Variants in SNAPC3 observed in about 807,000 individuals in gnomAD.
The protein encoded by SNAPC3 is snRNA-activating protein complex subunit 3.
SNAPC3 carries 56 observed loss-of-function variants against 47.7 expected under a neutral mutation model. That is an observed-to-expected ratio of 1.18 (90% CI 0.95 to 1.47). The LOEUF (loss-of-function observed/expected upper bound fraction) is 1.47, where lower values mean the gene tolerates loss of function less well. Ranked by LOEUF, SNAPC3 falls within the 40% of genes most tolerant of loss-of-function variation. The probability of loss-of-function intolerance (pLI) is 0.00; values close to 1 mark genes in which losing one functional copy is unlikely to be tolerated. For synonymous variants in SNAPC3, 235 were observed against 189.9 expected (o/e 1.24, Z -1.95); for missense variants, 665 against 511.3 (o/e 1.30, Z -2.90).
intron 3 of SNAPC3, among the ~76,000 whole-genome samples, chr9:15,438,853 G>A (rs1041383458): frequency 1.7e-4 from 26 of 151,784 alleles, no homozygotes; most frequent in African/African-American, 6.3e-4. Flanking sequence ...TATATCTGTT[G>A]GGTCTAATTG....
chr9:15,458,949 T>C (rs912524132), intron 8 of SNAPC3, among the ~76,000 whole-genome samples: 3 of 152,172 alleles, frequency 2.0e-5, no homozygotes, highest in African/African-American at 7.2e-5. Context: ...ATGCATAATA[T>C]ATTTAAAAAT....
downstream of SNAPC3, chr9:15,465,524 TTATC>T: frequency 1.3e-6 from 2 of 1,559,142 alleles, no homozygotes; most frequent in Non-Finnish European, 1.8e-6. Context: ...GTCAACCTAG[TTATC>T]TAGTGTAGAA....
rs1345798706 is a variant in SNAPC3, at chr9:15,422,904, C to T, written c.25C>T (p.Pro9Ser). MAEGSRGG[P>S]TCSGVGGRQD... ...CATGGCTGAAGGAAGCCGAGGTGGC[C>T]CTACGTGTAGCGGGGTGGGTGGCAG... The change falls in exon 1 of 9, where the codon CCT (proline) becomes TCT (serine). Residue 9 changes from proline to serine, a missense_variant. Coordinates refer to ENST00000380821, the MANE Select transcript of SNAPC3 (RefSeq NM_001039697.2). The T allele has an allele frequency of 1.1e-5, 17 of 1,534,704 alleles. 1 individual carries two copies. The Middle Eastern group carries it at 8.4e-4, about 76-fold the overall frequency.
intron 6 of SNAPC3, among the ~76,000 whole-genome samples, chr9:15,451,911 T>A (rs114496197): frequency 6.6e-6 from 1 of 152,092 alleles, no homozygotes; most frequent in Non-Finnish European, 1.5e-5. Flanking sequence ...GACCATACTT[T>A]CATTATCAAT....
chr9:15,437,420 A>G (rs1046875966), intron 3 of SNAPC3, among the ~76,000 whole-genome samples: 1 of 152,020 alleles, frequency 6.6e-6, no homozygotes, highest in Admixed American at 6.6e-5. Context: ...TTTAGTAGAC[A>G]CAGAGTTTCA....
intron 2 of SNAPC3, among the ~76,000 whole-genome samples, chr9:15,432,837 TC>T (rs2032334896): frequency 1.3e-5 from 2 of 152,312 alleles, no homozygotes; most frequent in African/African-American, 4.8e-5. Flanking sequence ...GCAGACATAA[TC>T]TATCAGTGAA....
At chr9:15,436,846 G>A (rs1483417391) in intron 3 of SNAPC3, among the ~76,000 whole-genome samples, 3 of 117,914 alleles carry the variant, frequency 2.5e-5, no homozygotes, top group South Asian at 5.4e-4. Flanking sequence ...TTTTTGAGAC[G>A]AAGTTTTGCT....
At chr9:15,435,478 C>G (rs1187945270) in intron 3 of SNAPC3, among the ~76,000 whole-genome samples, 1 of 151,702 alleles carries the variant, frequency 6.6e-6, no homozygotes, top group Admixed American at 6.6e-5. Context: ...GAGACTGAAA[C>G]AGGAGAATTG....
intron 7 of SNAPC3, among the ~76,000 whole-genome samples, chr9:15,453,956 C>G (rs1364801954): frequency 6.6e-6 from 1 of 152,066 alleles, no homozygotes; most frequent in Non-Finnish European, 1.5e-5. Flanking sequence ...AAACTGATGC[C>G]TGCCGGGTGC....
chr9:15,443,761 G>C (rs1022314901), intron 3 of SNAPC3, among the ~76,000 whole-genome samples: 3 of 152,178 alleles, frequency 2.0e-5, no homozygotes, highest in African/African-American at 7.2e-5. Flanking sequence ...TGCCTGCCTT[G>C]GCACCAGCCA....
At chr9:15,426,898 C>T (rs960997954) in intron 2 of SNAPC3, among the ~76,000 whole-genome samples, 17 of 152,020 alleles carry the variant, frequency 1.1e-4, no homozygotes, top group Non-Finnish European at 2.1e-4. Flanking sequence ...AATACATGAC[C>T]ATTGTTAACC....
Position 15,444,653 on chromosome 9 carries a change from G to C in SNAPC3, c.529G>C (p.Glu177Gln). ...KPENSADMIE[E>Q]GELILSVNIL... ...TGAAAATTCAGCAGACATGATTGAA[G>C]AAGGGGAGCTTATCCTATCTGTGAA... The change falls in exon 4 of 9, where the codon GAA becomes CAA. Residue 177 changes from glutamate (E) to glutamine (Q), a missense_variant. Glu to Gln is a conservative substitution (Grantham distance 29). Transcript: ENST00000380821. The C allele has an allele frequency of 6.2e-7, 1 of 1,612,984 alleles. No individual in the cohort carries two copies. The highest frequency in any genetic ancestry group is 1.3e-5 in the African/African-American group (1 of 75,030).
intron 2 of SNAPC3, among the ~76,000 whole-genome samples, chr9:15,424,894 C>T (rs1002812921): frequency 3.2e-4 from 48 of 152,276 alleles, no homozygotes; most frequent in Admixed American, 1.0e-3. Flanking sequence ...AATCTGTTCC[C>T]CTGGTCCCTA....
At chr9:15,431,385 TC>T (rs2032126291) in intron 2 of SNAPC3, among the ~76,000 whole-genome samples, 1 of 152,132 alleles carries the variant, frequency 6.6e-6, no homozygotes. Flanking sequence ...ATTCTATACT[TC>T]AGTGTTCCCT....
chr9:15,423,087 G>A lies in SNAPC3; in HGVS notation c.208G>A (p.Ala70Thr). 3 of 1,530,432 alleles carry A rather than the reference G, an allele frequency of 2.0e-6. No homozygotes were observed. The highest frequency in any genetic ancestry group is 2.4e-5 in the Admixed American group (1 of 42,050). The allele number at this position is 1,530,432 out of a possible 1,614,324, so 94.8% of individuals were successfully genotyped here. Residue 70 changes from alanine to threonine, a missense_variant, in exon 1 of 9, where the codon GCT becomes ACT. Ala to Thr is a moderately conservative substitution (Grantham distance 58, BLOSUM62 0). Coordinates refer to ENST00000380821, the MANE Select transcript of SNAPC3 (RefSeq NM_001039697.2). ...DLSLREPPAS[A>T]LPGSQAADSD... is the part of the protein sequence containing the mutation. ...GTCGCTGAGGGAGCCGCCGGCATCC[G>A]CTCTGCCTGGGAGCCAGGCAGCTGA...
Position 15,447,091 on chromosome 9 carries a change from T to A in SNAPC3, c.583-4T>A. 6.2e-7 allele frequency: 1 copy of A among 1,613,332 alleles called. No individual in the cohort carries two copies. On this transcript the variant is annotated splice_region_variant and splice_polypyrimidine_tract_variant and intron_variant, in intron 4 of 8. Coordinates refer to ENST00000380821, the MANE Select transcript of SNAPC3 (RefSeq NM_001039697.2). ...TGAACACTTATTTATTCTTTGACTT[T>A]TAGCACAAAGAACACAAACCATACC... is the stretch of plus-strand genomic sequence containing the variant.
chr9:15,448,479 C>CA (rs1282924476), intron 5 of SNAPC3, among the ~76,000 whole-genome samples: 1 of 152,164 alleles, frequency 6.6e-6, no homozygotes, highest in East Asian at 1.9e-4. Context: ...GCTCAAAACT[C>CA]ACCAATTATA....
downstream of SNAPC3, chr9:15,463,724 C>G (rs997306308): frequency 6.6e-6 from 1 of 151,994 alleles, no homozygotes; most frequent in Non-Finnish European, 1.5e-5. Context: ...AAAGAAACAG[C>G]AATTATGCTT....
chr9:15,444,783 TTCCTA>T, intron 4 of SNAPC3, 77 bp downstream of exon 4: 1 of 757,876 alleles, frequency 1.3e-6, no homozygotes, highest in East Asian at 2.7e-5. Flanking sequence ...AAGAGTCATA[TTCCTA>T]TGCTTACATT....
Sources: gnomAD v4.1 joint callset for allele counts (sites outside exome capture counted in the v4.1 genomes callset) on GRCh38, gnomAD v4.1.1 for gene constraint, MANE v1.5 for transcripts, NCBI Gene and HGNC (gene_info 2026-07-23, HGNC 2026-07-21) for gene names.